HHATL: variants seen among roughly 807,000 people sequenced by gnomAD.
The protein encoded by HHATL is protein-cysteine N-palmitoyltransferase HHAT-like protein.
HHATL carries 49 observed loss-of-function variants against 59.7 expected under a neutral mutation model. The observed-to-expected ratio is 0.82, with a 90% CI of 0.65 to 1.04. HHATL has a LOEUF of 1.04. Ranked by LOEUF, HHATL falls within the 50% of genes least tolerant of loss-of-function variation. The probability of loss-of-function intolerance (pLI) is 0.00; values close to 1 mark genes in which losing one functional copy is unlikely to be tolerated. For synonymous variants in HHATL, 238 were observed against 257.3 expected (o/e 0.93, Z 0.72); for missense variants, 605 against 650.8 (o/e 0.93, Z 0.77).
At position 42,697,627 on chromosome 3, in the gene HHATL, G is replaced by C; in HGVS notation, c.746C>G (p.Ala249Gly). The change falls in exon 7 of 12, where the codon GCC becomes GGC. Residue 249 changes from alanine to glycine, a missense_variant. Coordinates refer to ENST00000441594, the MANE Select transcript of HHATL (RefSeq NM_020707.4). Reference sequence around the variant, plus strand: ...GGCCACCACGCTTAGGCCTGCCTGGGCTCGGATGTGCCACAGCTCACCCTC... The same window carrying C: ...GGCCACCACGCTTAGGCCTGCCTGGCCTCGGATGTGCCACAGCTCACCCTC... ...RREGELWHIRAQAGLSVVAIM... is the reference protein window; with the variant it reads ...RREGELWHIRGQAGLSVVAIM... 1.2e-6 allele frequency: 2 copies of C among 1,614,144 alleles called. No homozygotes were observed. Among genetic ancestry groups the C allele is most frequent in the Non-Finnish European group, 1.7e-6 (2 of 1,179,990 alleles).
Position 42,698,764 on chromosome 3 carries a change from C to G in HHATL, c.427G>C (p.Gly143Arg), listed in dbSNP as rs1183723004. ...GAGGCCAGGCTGGCCAAGCCAAGGC[C>G]AAGACAGAGCCAGGGCTGGCCCAAA... ...SLLGQPWLCL[G>R]LGLASLASFK... The change falls in exon 5 of 12, where the codon GGC becomes CGC. Residue 143 changes from glycine to arginine, a missense_variant. Coordinates refer to ENST00000441594, the MANE Select transcript of HHATL (RefSeq NM_020707.4). 1 of 1,608,600 alleles carries G rather than the reference C, an allele frequency of 6.2e-7. No homozygotes were observed. The highest frequency in any genetic ancestry group is 8.5e-7 in the Non-Finnish European group (1 of 1,178,082).
At position 42,698,707 on chromosome 3, in the gene HHATL, C is replaced by T. The variant is rs1314555174; in HGVS notation, c.483+1G>A. 6.4e-7 allele frequency: 1 copy of T among 1,559,362 alleles called. No homozygotes were observed. The highest frequency in any genetic ancestry group is 8.6e-7 in the Non-Finnish European group (1 of 1,158,482). ...CCCTCTACCCCTGCACCAGTTCACA[C>T]CTGCCAAGAGATTAGGGGGTCCATC... On this transcript the variant is annotated splice_donor_variant, in intron 5 of 11. Coordinates refer to ENST00000441594, the MANE Select transcript of HHATL (RefSeq NM_020707.4). LOFTEE classifies it high-confidence loss of function.
intron 9 of HHATL, 121 bp downstream of exon 9, chr3:42,696,721 C>T: frequency 1.9e-6 from 2 of 1,058,320 alleles, no homozygotes; most frequent in Non-Finnish European, 2.8e-6. Flanking sequence ...TACCTCCTCA[C>T]TGCCCTCTTT....
intron 3 of HHATL, among the ~76,000 whole-genome samples, 154 bp from the exon 4 acceptor site, chr3:42,699,299 T>A (rs139170661): frequency 6.6e-6 from 1 of 152,302 alleles, no homozygotes; most frequent in Middle Eastern, 3.4e-3. Flanking sequence ...TAATAATAAT[T>A]ATTTTTTACC....
chr3:42,693,439 C>T, intron 10 of HHATL, 178 bp downstream of exon 10: 1 of 751,998 alleles, frequency 1.3e-6, no homozygotes, highest in South Asian at 1.8e-5. Flanking sequence ...CTCCATTCCT[C>T]ATAGAAGGGA....
chr3:42,700,977 C>G (rs1387382119), intron 1 of HHATL, 138 bp from the exon 2 acceptor site: 1 of 616,942 alleles, frequency 1.6e-6, no homozygotes, highest in East Asian at 2.8e-5. Context: ...TACCATCACT[C>G]TGCCTGCCCC....
chr3:42,700,046 CTGTG>C (rs1240216623), intron 2 of HHATL, among the ~76,000 whole-genome samples: 15 of 135,944 alleles, frequency 1.1e-4, no homozygotes, highest in African/African-American at 3.8e-4. Context: ...GTGTATATGT[CTGTG>C]TGTTTGTGTG....
chr3:42,693,370 C>T, intron 10 of HHATL, 152 bp from the exon 11 acceptor site: 1 of 969,962 alleles, frequency 1.0e-6, no homozygotes, highest in Non-Finnish European at 1.5e-6. Context: ...CCTTGTTAAA[C>T]ATGGGGAAAC....
chr3:42,700,926 C>A, intron 1 of HHATL, 87 bp from the exon 2 acceptor site: 1 of 843,072 alleles, frequency 1.2e-6, no homozygotes, highest in Non-Finnish European at 1.9e-6. Flanking sequence ...TGGGGACCCA[C>A]TCTGAAGAGA....
chr3:42,698,899 G>C lies in HHATL; in HGVS notation c.292C>G (p.Arg98Gly). 6.2e-7 allele frequency: 1 copy of C among 1,605,612 alleles called. No individual in the cohort carries two copies. Among genetic ancestry groups the C allele is most frequent in the Non-Finnish European group, 8.5e-7 (1 of 1,175,250 alleles). Residue 98 changes from arginine (R) to glycine (G), a missense_variant, in exon 5 of 12, where the codon CGC (arginine) becomes GGC (glycine). Transcript: ENST00000441594. ...KLCTMVAPKLRSWMYAVYGAL... is the reference protein window; with the variant it reads ...KLCTMVAPKLGSWMYAVYGAL... Reference sequence around the variant, plus strand: ...CCGTACACAGCATACATCCAGGAGCGGAGCTGTGGGCAGGGAGAAGGCTTC... The same window carrying C: ...CCGTACACAGCATACATCCAGGAGCCGAGCTGTGGGCAGGGAGAAGGCTTC...
In HHATL at chr3:42,696,785, C is replaced by T. The variant is rs1257599969; in HGVS notation, c.1046+57G>A. The stretch of plus-strand genomic sequence containing the variant: ...AAAATGTGGACCCATCTTGGCACTG[C>T]CCTGCTCAGACACCTGGCAGGATGG... On this transcript the variant is annotated intron_variant, in intron 9 of 11. Coordinates refer to ENST00000441594, the MANE Select transcript of HHATL (RefSeq NM_020707.4). 5.0e-6 allele frequency: 8 copies of T among 1,588,584 alleles called. No homozygotes were observed. The Admixed American group carries it at 1.4e-4, about 27-fold the overall frequency.
At chr3:42,695,540 C>T (rs1697571884) in intron 9 of HHATL, among the ~76,000 whole-genome samples, 1 of 152,136 alleles carries the variant, frequency 6.6e-6, no homozygotes, top group Non-Finnish European at 1.5e-5. Context: ...TTCTCCCTTG[C>T]TCTGCAAGGG....
In HHATL at chr3:42,697,108, C is replaced by T. The variant is rs1346527173; in HGVS notation, c.903G>A (p.Val301=). ...LAYSNLVYDW[V]KAAVLFGVVN... ...CAACACCAAAGAGGACGGCCGCCTT[C>T]ACCCAGTCATACACCAGGTTTGAAT... Residue 301 remains valine (V), a synonymous_variant, in exon 8 of 12, where the codon GTG becomes GTA. Transcript: ENST00000441594. The T allele has an allele frequency of 6.4e-7, 1 of 1,557,278 alleles. No homozygotes were observed. Among genetic ancestry groups the T allele is most frequent in the East Asian group, 2.3e-5 (1 of 44,384 alleles).
intron 3 of HHATL, among the ~76,000 whole-genome samples, chr3:42,699,347 A>T (rs1697828790): frequency 6.6e-6 from 1 of 152,152 alleles, no homozygotes; most frequent in African/African-American, 2.4e-5. Context: ...ATGCAAACAC[A>T]AGAGCAGTGC....
intron 1 of HHATL, 143 bp from the exon 2 acceptor site, chr3:42,700,982 T>C: frequency 1.6e-6 from 1 of 610,794 alleles, no homozygotes; most frequent in Non-Finnish European, 3.0e-6. Context: ...TCACTCTGCC[T>C]GCCCCTGTGC....
At position 42,699,825 on chromosome 3, in the gene HHATL, T is replaced by A; in HGVS notation, c.107A>T (p.Asp36Val). ...AGRGLLEASQ[D>V]GAHRKAFRES... is the part of the protein sequence containing the mutation. ...CCGGAAGGCCTTCCTGTGGGCCCCA[T>A]CTGAGAACAGAGTGTGGCCTCAGGG... Residue 36 changes from aspartate (D) to valine (V), a missense_variant and splice_region_variant, in exon 3 of 12, where the codon GAT becomes GTT. Transcript: ENST00000441594. 1.3e-6 allele frequency: 2 copies of A among 1,560,222 alleles called. No individual in the cohort carries two copies. The highest frequency in any genetic ancestry group is 1.7e-6 in the Non-Finnish European group (2 of 1,151,464).
At chr3:42,700,589 G>A (rs1362210501) in intron 2 of HHATL, 132 bp downstream of exon 2, 1 of 616,400 alleles carries the variant, frequency 1.6e-6, no homozygotes, top group Admixed American at 3.0e-5. Flanking sequence ...GGCTGAAAAG[G>A]GAGATCCAGC....
At chr3:42,697,773 C>G in intron 6 of HHATL, 94 bp from the exon 7 acceptor site, 7 of 1,323,106 alleles carry the variant, frequency 5.3e-6, no homozygotes, top group Non-Finnish European at 7.3e-6. Flanking sequence ...GCAGGAGGAG[C>G]CATGGCTTTA....
Position 42,693,232 on chromosome 3 carries a change from GA to G in HHATL, c.1249-15del, listed in dbSNP as rs756770176. On this transcript the variant is annotated splice_polypyrimidine_tract_variant and intron_variant, in intron 10 of 11. Coordinates refer to ENST00000441594, the MANE Select transcript of HHATL (RefSeq NM_020707.4). ...TGACAGAGAGGCCTATCCGGTCCAGGAAAGCATGGGCAGCGGGACAAGAGGC... is the reference window on the plus strand; with the variant it reads ...TGACAGAGAGGCCTATCCGGTCCAGGAAGCATGGGCAGCGGGACAAGAGGC... 2.5e-6 allele frequency: 4 copies of G among 1,612,866 alleles called. No homozygotes were observed. In the Admixed American group the frequency reaches 6.7e-5, roughly 27 times the overall value.
Sources: gnomAD v4.1 joint callset for allele counts (sites outside exome capture counted in the v4.1 genomes callset) on GRCh38, gnomAD v4.1.1 for gene constraint, MANE v1.5 for transcripts, NCBI Gene and HGNC (gene_info 2026-07-23, HGNC 2026-07-21) for gene names.